The following PRR16 variants were observed in gnomAD, a reference collection of about 807,000 sequenced individuals.
PRR16 encodes proline rich 16.
PRR16 carries 6 observed loss-of-function variants against 18.2 expected under a neutral mutation model. The ratio of observed to expected loss-of-function variants is 0.33; its 90% CI spans 0.18 to 0.65. PRR16 has a LOEUF of 0.65. Ranked by LOEUF, PRR16 falls within the 30% of genes least tolerant of loss-of-function variation. The pLI is 0.74. For missense variants in PRR16, 412 were observed against 376.6 expected (o/e 1.09, Z -0.78); for synonymous variants, 151 against 147.8 (o/e 1.02, Z -0.16).
intron 1 of PRR16, among the ~76,000 whole-genome samples, chr5:120,660,022 C>T (rs1756122129): frequency 6.6e-6 from 1 of 152,042 alleles, no homozygotes; most frequent in African/African-American, 2.4e-5. Flanking sequence ...CACTCTTCCT[C>T]ATGGCTTAGA....
chr5:120,594,902 A>G (rs1008432714), intron 1 of PRR16, among the ~76,000 whole-genome samples: 1 of 152,180 alleles, frequency 6.6e-6, no homozygotes, highest in African/African-American at 2.4e-5. Flanking sequence ...CTGGCTAGCC[A>G]TATGCAGAAA....
intron 1 of PRR16, among the ~76,000 whole-genome samples, chr5:120,578,121 A>G (rs1387400307): frequency 2.0e-5 from 3 of 152,314 alleles, no homozygotes; most frequent in African/African-American, 7.2e-5. Flanking sequence ...ACTTACCCCA[A>G]ATCCAAGGAA....
At chr5:120,719,885 G>A in the PRR16 span, among the ~76,000 whole-genome samples, 1 of 151,782 alleles carries the variant, frequency 6.6e-6, no homozygotes, top group Non-Finnish European at 1.5e-5. Flanking sequence ...TAATTGATTT[G>A]AAATCCCAGA....
intron 1 of PRR16, among the ~76,000 whole-genome samples, chr5:120,465,401 G>C (rs373921860): frequency 2.0e-5 from 3 of 152,354 alleles, no homozygotes; most frequent in African/African-American, 7.2e-5. Flanking sequence ...ATGTGTGGCC[G>C]GGGTCTTGCC....
chr5:120,783,054 A>C, the PRR16 span, among the ~76,000 whole-genome samples: 1 of 152,200 alleles, frequency 6.6e-6, no homozygotes, highest in African/African-American at 2.4e-5. Context: ...TTCCTTAGGC[A>C]GTGCTCGCAC....
chr5:120,579,760 T>G (rs1753204982), intron 1 of PRR16, among the ~76,000 whole-genome samples: 1 of 152,212 alleles, frequency 6.6e-6, no homozygotes, highest in South Asian at 2.1e-4. Flanking sequence ...AAATAGTTTT[T>G]TTCTAATTCT....
chr5:120,784,107 G>C, the PRR16 span, among the ~76,000 whole-genome samples: 133 of 152,186 alleles, frequency 8.7e-4, 1 homozygote, highest in Middle Eastern at 3.4e-3. Flanking sequence ...CCATTCATTG[G>C]TTGATGGACA....
At chr5:120,760,697 T>C in the PRR16 span, among the ~76,000 whole-genome samples, 8 of 152,170 alleles carry the variant, frequency 5.3e-5, no homozygotes, top group Non-Finnish European at 2.9e-5. Context: ...TAGAATAAGC[T>C]GCAAGGGCTG....
At chr5:120,500,738 A>T (rs1480301712) in intron 1 of PRR16, among the ~76,000 whole-genome samples, 1 of 152,216 alleles carries the variant, frequency 6.6e-6, no homozygotes, top group African/African-American at 2.4e-5. Flanking sequence ...CACTAAATAA[A>T]ATCCAAACTT....
chr5:120,750,822 A>G, the PRR16 span, among the ~76,000 whole-genome samples: 2 of 152,162 alleles, frequency 1.3e-5, no homozygotes, highest in Admixed American at 6.5e-5. Context: ...GGAATATTCT[A>G]AGTCCACTTC....
intron 1 of PRR16, among the ~76,000 whole-genome samples, chr5:120,605,785 C>T (rs562589392): frequency 6.6e-6 from 1 of 152,250 alleles, no homozygotes; most frequent in African/African-American, 2.4e-5. Context: ...GGCCAAGGCT[C>T]AGCTCAGCAC....
intron 1 of PRR16, among the ~76,000 whole-genome samples, chr5:120,486,257 G>C (rs1036647475): frequency 1.3e-5 from 2 of 152,330 alleles, no homozygotes; most frequent in South Asian, 2.1e-4. Context: ...CTAGTTTACA[G>C]TTCCAACAGC....
the PRR16 span, among the ~76,000 whole-genome samples, chr5:120,770,019 C>G: frequency 7.2e-5 from 11 of 151,856 alleles, no homozygotes; most frequent in Non-Finnish European, 1.2e-4. Context: ...AAAAAAATGT[C>G]TCTTCAAGTC....
At chr5:120,633,890 A>G (rs1409337225) in intron 1 of PRR16, among the ~76,000 whole-genome samples, 1 of 152,118 alleles carries the variant, frequency 6.6e-6, no homozygotes, top group African/African-American at 2.4e-5. Flanking sequence ...GGTCATCAAG[A>G]CAGAAAGTCA....
chr5:120,774,574 A>G, the PRR16 span, among the ~76,000 whole-genome samples: 1 of 152,132 alleles, frequency 6.6e-6, no homozygotes, highest in East Asian at 1.9e-4. Flanking sequence ...TCTCAACCCC[A>G]ATAAAAGATT....
intron 1 of PRR16, among the ~76,000 whole-genome samples, chr5:120,500,228 T>C (rs1026429324): frequency 5.9e-5 from 9 of 152,328 alleles, no homozygotes; most frequent in Non-Finnish European, 7.4e-5. Context: ...TCAAGCCTTA[T>C]GATATTTCCA....
At chr5:120,722,434 C>A in the PRR16 span, among the ~76,000 whole-genome samples, 2 of 151,872 alleles carry the variant, frequency 1.3e-5, no homozygotes, top group Admixed American at 1.3e-4. Context: ...AGTCAACAGC[C>A]ACAGTAACTG....
intron 1 of PRR16, 110 bp from the exon 2 acceptor site, chr5:120,685,844 A>T: frequency 9.1e-7 from 1 of 1,098,978 alleles, no homozygotes; most frequent in Non-Finnish European, 1.3e-6. Context: ...TGTTCAGTTC[A>T]ATATCAGTTA....
At chr5:120,671,193 ATCT>A (rs1756590510) in intron 1 of PRR16, among the ~76,000 whole-genome samples, 1 of 152,234 alleles carries the variant, frequency 6.6e-6, no homozygotes, top group South Asian at 2.1e-4. Flanking sequence ...AATTTTTCAA[ATCT>A]TCTTCTTTTA....
Sources: allele counts gnomAD v4.1 joint callset (sites outside exome capture counted in the v4.1 genomes callset), GRCh38; gene constraint gnomAD v4.1.1; transcripts MANE v1.5; gene names NCBI Gene and HGNC (gene_info 2026-07-23, HGNC 2026-07-21).